The following KIRREL3 variants were observed in gnomAD, a reference collection of about 807,000 sequenced individuals.
The protein encoded by KIRREL3 is kirre like nephrin family adhesion molecule 3.
KIRREL3 carries 36 observed loss-of-function variants against 89.7 expected under a neutral mutation model. That is an observed-to-expected ratio of 0.40 (90% CI 0.31 to 0.53). The LOEUF is 0.53. Ranked by LOEUF, KIRREL3 falls within the 20% of genes least tolerant of loss-of-function variation. The pLI, the probability that KIRREL3 is intolerant of heterozygous loss-of-function variation, is 0.49. For synonymous variants in KIRREL3, 445 were observed against 441.4 expected (o/e 1.01, Z -0.10); for missense variants, 864 against 1,056.6 (o/e 0.82, Z 2.53).
chr11:126,750,674 G>C lies in KIRREL3; in HGVS notation c.56-187762C>G, dbSNP rs1041969898. Reference sequence around the variant, plus strand: ...TTTACAAATGCCATCTAATTTAGTGGTTCCCCAGCTTCTGGTTCCCTGACA... The same window carrying C: ...TTTACAAATGCCATCTAATTTAGTGCTTCCCCAGCTTCTGGTTCCCTGACA... On this transcript the variant is annotated intron_variant, in intron 1 of 16. Coordinates refer to ENST00000525144, the MANE Select transcript of KIRREL3 (RefSeq NM_032531.4). This position sits in a 1 kb window ranked among gnomAD's most constrained non-coding sequence, Gnocchi z 4.2. Among the ~76,000 whole-genome samples, 1 of 152,168 alleles carries C rather than the reference G, an allele frequency of 6.6e-6. No individual in the cohort carries two copies. The highest frequency in any genetic ancestry group is 2.4e-5 in the African/African-American group (1 of 41,436).
rs1290814265 is a variant in KIRREL3, at chr11:126,664,234, G to A, written c.56-101322C>T. ...TTTCAGGCTTTTGCTGGGGCCATTA[G>A]CATTTTTTTTTTTTTTACCATCATT... On this transcript the variant is annotated intron_variant, in intron 1 of 16. Coordinates refer to ENST00000525144, the MANE Select transcript of KIRREL3 (RefSeq NM_032531.4). The surrounding 1 kb of genome is among the most constrained non-coding windows in gnomAD (Gnocchi z 5.4). 7.7e-6 allele frequency among the ~76,000 whole-genome samples: 1 copy of A among 129,964 alleles called. No homozygotes were observed. Among genetic ancestry groups the A allele is most frequent in the Non-Finnish European group, 1.6e-5 (1 of 60,754 alleles). 85.3% of individuals were successfully genotyped at this position (129,964 alleles called of 152,430 possible). A position where few individuals can be genotyped will look rare whatever the true frequency, so the allele number is the denominator to read the frequency against.
chr11:126,813,286 G>A (rs1396503805), intron 1 of KIRREL3, among the ~76,000 whole-genome samples: 1 of 152,102 alleles, frequency 6.6e-6, no homozygotes, highest in African/African-American at 2.4e-5. Context: ...AAGGCTTTGG[G>A]ATTCACTTCA....
In KIRREL3 at chr11:126,471,175, T is replaced by C. The variant is rs1200921826; in HGVS notation, c.591+2134A>G. On this transcript the variant is annotated intron_variant, in intron 5 of 16. Transcript: ENST00000525144. The surrounding 1 kb of genome is among the most constrained non-coding windows in gnomAD (Gnocchi z 5.4). ...GAGTTTGAGACCAGCCTGACCAACATGGAGTAACCCCGTCTCTTTTAAAAA... is the reference window on the plus strand; with the variant it reads ...GAGTTTGAGACCAGCCTGACCAACACGGAGTAACCCCGTCTCTTTTAAAAA... Among the ~76,000 whole-genome samples, 1 of 151,752 alleles carries C rather than the reference T, an allele frequency of 6.6e-6. No homozygotes were observed. The highest frequency in any genetic ancestry group is 2.4e-5 in the African/African-American group (1 of 41,286).
Position 126,555,189 on chromosome 11 carries a change from G to A in KIRREL3, c.133+7646C>T, listed in dbSNP as rs773297252. Among the ~76,000 whole-genome samples, 2 of 152,196 alleles carry A rather than the reference G, an allele frequency of 1.3e-5. No individual in the cohort carries two copies. Among genetic ancestry groups the A allele is most frequent in the Non-Finnish European group, 2.9e-5 (2 of 68,042 alleles). ...CAGAGCCTGCTTCTGCCAGAGATGAGTGACTGGCCGGTTCCAGCGTTCATT... is the reference window on the plus strand; with the variant it reads ...CAGAGCCTGCTTCTGCCAGAGATGAATGACTGGCCGGTTCCAGCGTTCATT... On this transcript the variant is annotated intron_variant, in intron 2 of 16. Coordinates refer to ENST00000525144, the MANE Select transcript of KIRREL3 (RefSeq NM_032531.4). The surrounding 1 kb of genome is among the most constrained non-coding windows in gnomAD (Gnocchi z 4.2).
Position 126,966,961 on chromosome 11 carries a change from C to T in KIRREL3, c.55+33494G>A, listed in dbSNP as rs1005895830. The stretch of plus-strand genomic sequence containing the variant: ...TGTTTAGATTGCAGAAGACCTAGCC[C>T]TAAACCCAGAATCCCAGAATTCTTG... On this transcript the variant is annotated intron_variant, in intron 1 of 16. Coordinates refer to ENST00000525144, the MANE Select transcript of KIRREL3 (RefSeq NM_032531.4). Among the ~76,000 whole-genome samples the T allele has an allele frequency of 3.3e-5, 5 of 152,158 alleles. No individual in the cohort carries two copies. The East Asian group carries it at 5.8e-4, about 18-fold the overall frequency.
At chr11:126,792,744 G>A (rs759496733) in intron 1 of KIRREL3, among the ~76,000 whole-genome samples, 8 of 152,184 alleles carry the variant, frequency 5.3e-5, no homozygotes, top group South Asian at 2.1e-4. Context: ...ACCATGATAC[G>A]AAGTGGAAAA....
rs1399272641 is a variant in KIRREL3 at position 126,516,344 on chromosome 11, T to C, written c.433+4971A>G. On this transcript the variant is annotated intron_variant, in intron 4 of 16. Coordinates refer to ENST00000525144, the MANE Select transcript of KIRREL3 (RefSeq NM_032531.4). This position sits in a 1 kb window ranked among gnomAD's most constrained non-coding sequence, Gnocchi z 4.9. ...CTGGGAAAAATGCCCCTCTTAATAA[T>C]TAATCTGATGCCAACATCCCCTCCT... 6.6e-6 allele frequency among the ~76,000 whole-genome samples: 1 copy of C among 152,142 alleles called. No individual in the cohort carries two copies. The highest frequency in any genetic ancestry group is 1.5e-5 in the Non-Finnish European group (1 of 68,010).
intron 1 of KIRREL3, among the ~76,000 whole-genome samples, chr11:126,901,075 A>C (rs958614671): frequency 6.6e-6 from 1 of 152,064 alleles, no homozygotes; most frequent in African/African-American, 2.4e-5. Flanking sequence ...TTAACTGTGC[A>C]TGGTGGCGCA....
chr11:126,507,598 T>C (rs926223415), intron 4 of KIRREL3, among the ~76,000 whole-genome samples: 2 of 152,220 alleles, frequency 1.3e-5, no homozygotes, highest in Non-Finnish European at 2.9e-5. Context: ...TTTTCATCGC[T>C]AATGTATATT....
At position 126,872,933 on chromosome 11, in the gene KIRREL3, G is replaced by A. The variant is rs1414907314; in HGVS notation, c.55+127522C>T. Among the ~76,000 whole-genome samples the A allele has an allele frequency of 1.3e-5, 2 of 152,152 alleles. No homozygotes were observed. Among genetic ancestry groups the A allele is most frequent in the African/African-American group, 2.4e-5 (1 of 41,436 alleles). ...AGTTACTACACAGCCTGGAGGTCAA[G>A]TCCTTCTCCCATAATCACTTGGATG... On this transcript the variant is annotated intron_variant, in intron 1 of 16. Transcript: ENST00000525144. This position sits in a 1 kb window ranked among gnomAD's most constrained non-coding sequence, Gnocchi z 4.2.
intron 1 of KIRREL3, among the ~76,000 whole-genome samples, chr11:126,618,218 G>A (rs1943433210): frequency 6.6e-6 from 1 of 152,154 alleles, no homozygotes; most frequent in Non-Finnish European, 1.5e-5. Flanking sequence ...CAGCTAGGCT[G>A]AGGCAGATTT....
chr11:126,462,876 C>G lies in KIRREL3; in HGVS notation c.742+281G>C, dbSNP rs145323540. 8.0e-4 allele frequency among the ~76,000 whole-genome samples: 122 copies of G among 152,300 alleles called. 1 individual carries two copies. In the East Asian group the frequency reaches 0.017, roughly 21 times the overall value. On this transcript the variant is annotated intron_variant, in intron 6 of 16. Coordinates refer to ENST00000525144, the MANE Select transcript of KIRREL3 (RefSeq NM_032531.4). The surrounding 1 kb of genome is among the most constrained non-coding windows in gnomAD (Gnocchi z 4.8). ...GGGCCACCGGCTAGGCCAGCAGAGG[C>G]AGCAGCTGACCGTATTTATTGGTGT... is the stretch of plus-strand genomic sequence containing the variant.
At chr11:126,785,273 A>G (rs981264706) in intron 1 of KIRREL3, among the ~76,000 whole-genome samples, 3 of 152,172 alleles carry the variant, frequency 2.0e-5, no homozygotes, top group Admixed American at 6.5e-5. Context: ...AAATATCTTA[A>G]TACAGCAGAA....
chr11:126,926,424 C>A (rs998145423), intron 1 of KIRREL3, among the ~76,000 whole-genome samples: 1 of 152,216 alleles, frequency 6.6e-6, no homozygotes, highest in Non-Finnish European at 1.5e-5. Context: ...TGGTAATGAG[C>A]AGCTCTCTTT....
intron 4 of KIRREL3, among the ~76,000 whole-genome samples, chr11:126,502,278 G>A (rs1957888215): frequency 6.6e-6 from 1 of 152,162 alleles, no homozygotes; most frequent in Non-Finnish European, 1.5e-5. Flanking sequence ...TCACCGCACT[G>A]GACCAGCACA....
Position 126,523,947 on chromosome 11 carries a change from A to G in KIRREL3, c.284-2483T>C, listed in dbSNP as rs1407143508. On this transcript the variant is annotated intron_variant, in intron 3 of 16. Transcript: ENST00000525144. This position sits in a 1 kb window ranked among gnomAD's most constrained non-coding sequence, Gnocchi z 4.9. ...TAATTAGGCAGTGAGCTGTGATGCT[A>G]TCCCAAGGACTGGCAGCATCTTTGA... Among the ~76,000 whole-genome samples the G allele has an allele frequency of 6.6e-6, 1 of 152,204 alleles. No individual in the cohort carries two copies. Among genetic ancestry groups the G allele is most frequent in the Non-Finnish European group, 1.5e-5 (1 of 68,040 alleles).
chr11:126,834,088 C>A (rs561166103), intron 1 of KIRREL3, among the ~76,000 whole-genome samples: 1 of 152,228 alleles, frequency 6.6e-6, no homozygotes, highest in Admixed American at 6.5e-5. Context: ...AATTATGTAC[C>A]AGGAATAGCC....
At position 126,430,455 on chromosome 11, in the gene KIRREL3, G is replaced by A. The variant is rs974633489; in HGVS notation, c.1696+964C>T. Among the ~76,000 whole-genome samples the A allele has an allele frequency of 5.9e-5, 9 of 151,960 alleles. No individual in the cohort carries two copies. Among genetic ancestry groups the A allele is most frequent in the African/African-American group, 1.7e-4 (7 of 41,358 alleles). On this transcript the variant is annotated intron_variant, in intron 14 of 16. Transcript: ENST00000525144. The surrounding 1 kb of genome is among the most constrained non-coding windows in gnomAD (Gnocchi z 6.6). ...GAGAGACCCTATATAAAAAAAAACC[G>A]TATATATATGTGTATATATGCGTAT...
Position 126,436,899 on chromosome 11 carries a change from G to C in KIRREL3, c.1464C>G (p.Ile488Met). The change falls in exon 12 of 17, where the codon ATC (isoleucine) becomes ATG (methionine). Residue 488 changes from isoleucine to methionine, a missense_variant. By Grantham distance (10) the Ile-to-Met change is conservative. Coordinates refer to ENST00000525144, the MANE Select transcript of KIRREL3 (RefSeq NM_032531.4). ...GVISTLTISN[I>M]VRADFQTIYN... ...AGATGGTCTGGAAGTCGGCCCGCAC[G>C]ATGTTGCTGATGGTCAGGGTGGAGA... 6.2e-7 allele frequency: 1 copy of C among 1,613,572 alleles called. No homozygotes were observed. The highest frequency in any genetic ancestry group is 1.3e-5 in the African/African-American group (1 of 75,032).
Sources: allele counts gnomAD v4.1 joint callset (sites outside exome capture counted in the v4.1 genomes callset), GRCh38; gene constraint gnomAD v4.1.1; non-coding constraint Gnocchi (gnomAD v3.1); transcripts MANE v1.5; gene names NCBI Gene and HGNC (gene_info 2026-07-23, HGNC 2026-07-21).